FAF1: variants seen among roughly 807,000 people sequenced by gnomAD.
The protein encoded by FAF1 is FAS-associated factor 1.
FAF1 carries 25 observed loss-of-function variants against 92.5 expected under a neutral mutation model. The observed-to-expected ratio is 0.27, with a 90% confidence interval of 0.20 to 0.38. FAF1 has a LOEUF of 0.38. Ranked by LOEUF, FAF1 falls within the 10% of genes least tolerant of loss-of-function variation. The pLI, the probability that FAF1 is intolerant of heterozygous loss-of-function variation, is 1.00. For missense variants in FAF1, 636 were observed against 793.3 expected (o/e 0.80, Z 2.38); for synonymous variants, 234 against 273.2 (o/e 0.86, Z 1.42).
chr1:50,459,467 C>G (rs1455413718), intron 18 of FAF1, among the ~76,000 whole-genome samples: 1 of 152,108 alleles, frequency 6.6e-6, no homozygotes, highest in Non-Finnish European at 1.5e-5. Context: ...GTGAACCTGC[C>G]TCTCCATTTA....
chr1:50,520,572 C>G (rs1382579814), intron 15 of FAF1, among the ~76,000 whole-genome samples: 2 of 152,196 alleles, frequency 1.3e-5, no homozygotes, highest in Non-Finnish European at 2.9e-5. Flanking sequence ...TTAGGCCATG[C>G]ACAGGGGCTC....
intron 6 of FAF1, among the ~76,000 whole-genome samples, chr1:50,720,244 G>A (rs563269062): frequency 3.2e-4 from 49 of 152,146 alleles, no homozygotes; most frequent in African/African-American, 1.1e-3. Flanking sequence ...GGTGATCCGC[G>A]TGCCTTGGCC....
chr1:50,806,650 A>T (rs532291590), intron 2 of FAF1, among the ~76,000 whole-genome samples: 2 of 152,322 alleles, frequency 1.3e-5, no homozygotes, highest in African/African-American at 2.4e-5. Flanking sequence ...GAGGATTGGG[A>T]ACATCTCAGA....
intron 12 of FAF1, among the ~76,000 whole-genome samples, chr1:50,569,801 AAC>A (rs1338474035): frequency 6.6e-6 from 1 of 152,124 alleles, no homozygotes; most frequent in Non-Finnish European, 1.5e-5. Context: ...TTCCAAACCA[AAC>A]ACACATGTGC....
intron 1 of FAF1, among the ~76,000 whole-genome samples, chr1:50,917,687 AGG>A (rs1340615878): frequency 6.8e-6 from 1 of 148,146 alleles, no homozygotes; most frequent in Admixed American, 6.7e-5. Flanking sequence ...AGGAAAGGAA[AGG>A]AAAGGAAAGG....
chr1:50,881,073 G>A (rs527873027), intron 1 of FAF1, among the ~76,000 whole-genome samples: 43 of 152,280 alleles, frequency 2.8e-4, no homozygotes, highest in African/African-American at 1.0e-3. Flanking sequence ...CATTAGTACT[G>A]TTTAAAAAGC....
intron 1 of FAF1, among the ~76,000 whole-genome samples, chr1:50,870,939 G>C (rs1301225793): frequency 6.6e-6 from 1 of 152,078 alleles, no homozygotes; most frequent in Non-Finnish European, 1.5e-5. Flanking sequence ...AGGTTTTTTT[G>C]CACCAAATAG....
At chr1:50,493,465 C>T (rs1002451405) in intron 15 of FAF1, among the ~76,000 whole-genome samples, 24 of 152,206 alleles carry the variant, frequency 1.6e-4, no homozygotes, top group Admixed American at 1.4e-3. Context: ...GGGAAATGCA[C>T]AAGATGTTTA....
chr1:50,793,487 G>A (rs755507769), intron 3 of FAF1, among the ~76,000 whole-genome samples: 1 of 152,196 alleles, frequency 6.6e-6, no homozygotes, highest in Non-Finnish European at 1.5e-5. Context: ...CTATCCTGCA[G>A]TTATTTCCCT....
intron 15 of FAF1, among the ~76,000 whole-genome samples, chr1:50,523,647 T>C (rs936636575): frequency 6.6e-6 from 1 of 152,210 alleles, no homozygotes; most frequent in African/African-American, 2.4e-5. Flanking sequence ...AGTTAATATA[T>C]TTAATATATT....
intron 6 of FAF1, among the ~76,000 whole-genome samples, chr1:50,731,857 A>T (rs1367887332): frequency 6.6e-6 from 1 of 152,050 alleles, no homozygotes; most frequent in Non-Finnish European, 1.5e-5. Flanking sequence ...ATCCAAATGC[A>T]TGGGGGATTT....
At chr1:50,731,249 T>C (rs1658903206) in intron 6 of FAF1, among the ~76,000 whole-genome samples, 1 of 152,204 alleles carries the variant, frequency 6.6e-6, no homozygotes, top group South Asian at 2.1e-4. Flanking sequence ...AGGCACACTA[T>C]AAACACTCCT....
At chr1:50,546,419 G>C (rs1437566934) in intron 13 of FAF1, among the ~76,000 whole-genome samples, 1 of 152,160 alleles carries the variant, frequency 6.6e-6, no homozygotes, top group African/African-American at 2.4e-5. Context: ...AGGCTGGAGT[G>C]CGGTGGTGCA....
At chr1:50,485,707 A>C (rs373277561) in intron 17 of FAF1, among the ~76,000 whole-genome samples, 13 of 151,004 alleles carry the variant, frequency 8.6e-5, no homozygotes, top group Admixed American at 1.3e-4. Context: ...CCAAAAAAAC[A>C]AAAAAACAAC....
At chr1:50,850,393 A>G (rs1256221554) in intron 2 of FAF1, among the ~76,000 whole-genome samples, 1 of 152,190 alleles carries the variant, frequency 6.6e-6, no homozygotes. Flanking sequence ...GAACAATTCC[A>G]TTATTCAGTT....
intron 2 of FAF1, among the ~76,000 whole-genome samples, chr1:50,846,016 C>A (rs1644295888): frequency 1.3e-5 from 2 of 151,918 alleles, no homozygotes; most frequent in African/African-American, 4.8e-5. Flanking sequence ...CCCAGCTACT[C>A]AGGAGGCTGA....
intron 15 of FAF1, among the ~76,000 whole-genome samples, chr1:50,495,783 T>C (rs1646890930): frequency 6.6e-6 from 1 of 152,200 alleles, no homozygotes; most frequent in South Asian, 2.1e-4. Context: ...TTATTCCCTG[T>C]CTTTGGGATA....
chr1:50,608,655 C>G lies in FAF1; in HGVS notation c.745-12439G>C, dbSNP rs147187351. 6.8e-3 allele frequency among the ~76,000 whole-genome samples: 1,040 copies of G among 152,316 alleles called. 9 individuals carry two copies. The highest frequency in any genetic ancestry group is 0.041 in the Middle Eastern group (12 of 294). ...GAAGTCCTACCCCAAAATGTCTCCCCCTATCTCTCAAATCATTTGTATCAC... is the reference window on the plus strand; with the variant it reads ...GAAGTCCTACCCCAAAATGTCTCCCGCTATCTCTCAAATCATTTGTATCAC... On this transcript the variant is annotated intron_variant, in intron 8 of 18. Transcript: ENST00000396153.
At chr1:50,755,400 GAGGTGGCCTCCC>G (rs1660035950) in intron 4 of FAF1, among the ~76,000 whole-genome samples, 1 of 152,214 alleles carries the variant, frequency 6.6e-6, no homozygotes, top group Admixed American at 6.5e-5. Context: ...ATTGATGCAA[GAGGTGGCCTCCC>G]ATGGCCTTGG....
Sources: allele counts gnomAD v4.1 joint callset (sites outside exome capture counted in the v4.1 genomes callset), GRCh38; gene constraint gnomAD v4.1.1; transcripts MANE v1.5; gene names NCBI Gene and HGNC (gene_info 2026-07-23, HGNC 2026-07-21).